The following SMCO2 variants were observed in gnomAD, a reference collection of about 807,000 sequenced individuals.
SMCO2 encodes single-pass membrane and coiled-coil domain-containing protein 2.
Under a neutral mutation model 29.5 loss-of-function variants are expected in SMCO2, and 25 were observed. That is an observed-to-expected ratio of 0.85 (90% CI 0.62 to 1.18). The LOEUF (loss-of-function observed/expected upper bound fraction) is 1.18. SMCO2 is among the 50% of genes most tolerant of loss of function. The pLI, the probability that SMCO2 is intolerant of heterozygous loss-of-function variation, is 0.00. For synonymous variants in SMCO2, 117 were observed against 123.3 expected (o/e 0.95, Z 0.34); for missense variants, 348 against 344.5 (o/e 1.01, Z -0.08).
chr12:27,449,562 A>G, the SMCO2 span, among the ~76,000 whole-genome samples: 17 of 152,362 alleles, frequency 1.1e-4, no homozygotes, highest in Non-Finnish European at 1.8e-4. Flanking sequence ...TTTTCTGCAC[A>G]GAGAAAATGT....
rs554528001 is a variant in SMCO2 at position 27,472,364 on chromosome 12, G to T, written c.135-412G>T. ...AGTAAACATTGTGAGGAGGACAGCT[G>T]GCGGGGTGGAGATCAAGAGGGCACT... On this transcript the variant is annotated intron_variant, in intron 2 of 7. Coordinates refer to ENST00000298876, the Ensembl canonical transcript of SMCO2. Among the ~76,000 whole-genome samples, 7 of 152,216 alleles carry T rather than the reference G, an allele frequency of 4.6e-5. No homozygotes were observed. In the South Asian group the frequency reaches 6.2e-4, roughly 14 times the overall value.
chr12:27,432,595 A>G, the SMCO2 span, among the ~76,000 whole-genome samples: 1 of 152,232 alleles, frequency 6.6e-6, no homozygotes. Context: ...TATCCTCTCT[A>G]CATCTCCAGC....
the SMCO2 span, among the ~76,000 whole-genome samples, chr12:27,455,748 A>C: frequency 1.3e-5 from 2 of 152,266 alleles, no homozygotes; most frequent in South Asian, 4.1e-4. Context: ...AATAGGAGGA[A>C]TCAATGGCTT....
the SMCO2 span, among the ~76,000 whole-genome samples, chr12:27,458,060 G>A: frequency 1.3e-5 from 2 of 152,264 alleles, no homozygotes; most frequent in East Asian, 3.9e-4. Flanking sequence ...AAAAGGTTTT[G>A]TATGCAGAAA....
upstream of SMCO2, among the ~76,000 whole-genome samples, chr12:27,463,768 C>G (rs1205984669): frequency 6.6e-6 from 1 of 152,122 alleles, no homozygotes; most frequent in East Asian, 1.9e-4. Flanking sequence ...AATCAACAAG[C>G]CATACCACAA....
intron 4 of SMCO2, among the ~76,000 whole-genome samples, chr12:27,487,464 A>G (rs539473943): frequency 2.6e-5 from 4 of 152,310 alleles, no homozygotes; most frequent in African/African-American, 9.6e-5. Flanking sequence ...GTGTTTAACC[A>G]TTCATCCACT....
chr12:27,488,427 T>A, intron 4 of SMCO2, 33 bp from the exon 6 acceptor site: 1 of 1,385,784 alleles, frequency 7.2e-7, no homozygotes, highest in Non-Finnish European at 9.5e-7. Context: ...TTTTTCTTAA[T>A]CTGCAGGCCT....
At chr12:27,436,976 A>G in the SMCO2 span, among the ~76,000 whole-genome samples, 2 of 152,234 alleles carry the variant, frequency 1.3e-5, no homozygotes, top group Non-Finnish European at 2.9e-5. Flanking sequence ...CATGTTCACC[A>G]TCAAAGTACA....
chr12:27,498,566 G>A, intron 7 of SMCO2: 1 of 234,354 alleles, frequency 4.3e-6, no homozygotes, highest in Non-Finnish European at 8.9e-6. Flanking sequence ...CAATATCCCG[G>A]GAATAAAACC....
chr12:27,435,103 C>T, the SMCO2 span, among the ~76,000 whole-genome samples: 2 of 152,004 alleles, frequency 1.3e-5, no homozygotes, highest in African/African-American at 4.8e-5. Context: ...CAGATGACTT[C>T]AGTTTTCAGA....
chr12:27,459,048 G>C, the SMCO2 span, among the ~76,000 whole-genome samples: 4 of 150,808 alleles, frequency 2.7e-5, no homozygotes, highest in African/African-American at 9.7e-5. Context: ...TTAGCTGGGT[G>C]GGGTGGCAGG....
chr12:27,462,635 C>T (rs1949467526), upstream of SMCO2, among the ~76,000 whole-genome samples: 2 of 152,084 alleles, frequency 1.3e-5, no homozygotes, highest in South Asian at 4.2e-4. Context: ...AAGTGAAGCT[C>T]GGAGGTATTC....
At chr12:27,487,801 T>C (rs1391060344) in intron 4 of SMCO2, among the ~76,000 whole-genome samples, 2 of 151,552 alleles carry the variant, frequency 1.3e-5, no homozygotes, top group African/African-American at 2.4e-5. Context: ...TGATATATCA[T>C]TGTGGTACTA....
chr12:27,474,871 C>A lies in SMCO2; in HGVS notation c.320C>A (p.Ala107Glu), dbSNP rs768029112. ...ACAGATGTTGATGAGGACCCTCAAG[C>A]GTCTACATCTCTGCAGTTTTCAAAG... The change falls in exon 4 of 8, where the codon GCG (alanine) becomes GAG (glutamate). Residue 107 changes from alanine (A) to glutamate (E), a missense_variant. Transcript: ENST00000298876. 9 of 1,551,458 alleles carry A rather than the reference C, an allele frequency of 5.8e-6. No homozygotes were observed. In the Admixed American group the frequency reaches 1.8e-4, roughly 30 times the overall value.
chr12:27,436,735 C>T, the SMCO2 span, among the ~76,000 whole-genome samples: 1 of 152,090 alleles, frequency 6.6e-6, no homozygotes, highest in Non-Finnish European at 1.5e-5. Flanking sequence ...TCCACTGACC[C>T]CCAGGTATGT....
At chr12:27,434,231 G>A in the SMCO2 span, among the ~76,000 whole-genome samples, 1 of 152,182 alleles carries the variant, frequency 6.6e-6, no homozygotes, top group African/African-American at 2.4e-5. Context: ...TGTCAGGAAT[G>A]CAAATTCCTG....
At chr12:27,474,756 C>A (rs1949570029) in intron 3 of SMCO2, 30 bp from the exon 4 acceptor site, 2 of 1,550,666 alleles carry the variant, frequency 1.3e-6, no homozygotes, top group East Asian at 4.9e-5. Context: ...ACCTTTTGTT[C>A]TGCTTTGCTT....
chr12:27,491,689 G>A (rs963645911), intron 5 of SMCO2, among the ~76,000 whole-genome samples: 15 of 150,114 alleles, frequency 1.0e-4, no homozygotes, highest in African/African-American at 3.7e-4. Context: ...TATATATAAT[G>A]TATTTTATAT....
intron 7 of SMCO2, chr12:27,497,944 T>C: frequency 3.0e-6 from 1 of 330,442 alleles, no homozygotes; most frequent in Non-Finnish European, 5.9e-6. Flanking sequence ...CTGGATTTGG[T>C]GTGTTGCTAG....
Sources: allele counts gnomAD v4.1 joint callset (sites outside exome capture counted in the v4.1 genomes callset), GRCh38; gene constraint gnomAD v4.1.1; transcripts MANE v1.5; gene names NCBI Gene and HGNC (gene_info 2026-07-23, HGNC 2026-07-21).